The following SDK1 variants were observed in gnomAD, a reference collection of about 807,000 sequenced individuals.
The protein encoded by SDK1 is sidekick cell adhesion molecule 1.
A neutral mutation model predicts 245.5 loss-of-function variants in SDK1; 157 were observed. The ratio of observed to expected loss-of-function variants is 0.64; its 90% CI spans 0.56 to 0.73. SDK1 has a LOEUF of 0.73. Among genes scored for constraint, SDK1 ranks in the 30% least tolerant of loss-of-function variants. The pLI is 0.00. For missense variants in SDK1, 3,583 were observed against 3,002.3 expected (o/e 1.19, Z -4.52); for synonymous variants, 1,647 against 1,278.5 (o/e 1.29, Z -6.15).
intron 1 of SDK1, among the ~76,000 whole-genome samples, chr7:3,465,707 GGC>G (rs1424480410): frequency 1.3e-5 from 2 of 152,162 alleles, no homozygotes; most frequent in Non-Finnish European, 2.9e-5. Context: ...TGATCATTCA[GGC>G]GCGTGTCTGG....
In SDK1 at chr7:4,245,735, A is replaced by C. The variant is rs1247795647; in HGVS notation, c.6311A>C (p.Lys2104Thr). The C allele has an allele frequency of 6.2e-7, 1 of 1,613,930 alleles. No individual in the cohort carries two copies. The highest frequency in any genetic ancestry group is 1.3e-5 in the African/African-American group (1 of 74,900). Reference protein sequence around the residue: ...LHYSDEDICNKYNGAVLTESV... With the variant: ...LHYSDEDICNTYNGAVLTESV... ...TACTCAGACGAGGACATCTGCAACA[A>C]GTACAACGGCGCCGTGCTGACCGAG... The change falls in exon 44 of 45, where the codon AAG (lysine) becomes ACG (threonine). Residue 2104 changes from lysine (K) to threonine (T), a missense_variant. Transcript: ENST00000404826.
At chr7:4,171,010 C>G (rs1299221206) in intron 32 of SDK1, among the ~76,000 whole-genome samples, 28 of 152,358 alleles carry the variant, frequency 1.8e-4, no homozygotes, top group Non-Finnish European at 1.5e-5. Flanking sequence ...GCCTGTAATT[C>G]TCACTCCTTC....
chr7:4,198,182 G>A (rs1205938454), intron 35 of SDK1, among the ~76,000 whole-genome samples: 1 of 152,198 alleles, frequency 6.6e-6, no homozygotes, highest in Non-Finnish European at 1.5e-5. Context: ...ATGTCCTGTA[G>A]CTCCTGTTTC....
In SDK1 at chr7:3,457,400, T is replaced by A. The variant is rs1372848583; in HGVS notation, c.298+155516T>A. On this transcript the variant is annotated intron_variant, in intron 1 of 44. Transcript: ENST00000404826. ...GATTCTTGTGCCTTTCCCGAGCCAATCCCCACAGACACTATACACAATGTC... is the reference window on the plus strand; with the variant it reads ...GATTCTTGTGCCTTTCCCGAGCCAAACCCCACAGACACTATACACAATGTC... Among the ~76,000 whole-genome samples the A allele has an allele frequency of 3.9e-5, 6 of 152,086 alleles. No individual in the cohort carries two copies. The South Asian group carries it at 1.0e-3, about 26-fold the overall frequency.
chr7:4,114,263 C>T lies in SDK1; in HGVS notation c.3812C>T (p.Thr1271Met), dbSNP rs1286533820. The T allele has an allele frequency of 3.1e-6, 5 of 1,603,780 alleles. No homozygotes were observed. Among genetic ancestry groups the T allele is most frequent in the Admixed American group, 1.7e-5 (1 of 58,298 alleles). ...GPWSEVVRGR[T>M]RESVPSAAPE... ...TGGAGCGAGGTGGTGCGGGGCCGGACGCGGGAGTCAGGTGAGGGGAAGGCG... is the reference window on the plus strand; with the variant it reads ...TGGAGCGAGGTGGTGCGGGGCCGGATGCGGGAGTCAGGTGAGGGGAAGGCG... Residue 1271 changes from threonine to methionine, a missense_variant, in exon 25 of 45, where the codon ACG becomes ATG. Transcript: ENST00000404826.
intron 4 of SDK1, among the ~76,000 whole-genome samples, chr7:3,667,431 G>T (rs761110255): frequency 6.6e-6 from 1 of 152,144 alleles, no homozygotes; most frequent in Non-Finnish European, 1.5e-5. Flanking sequence ...TTTCTATTCA[G>T]AGGGAATATC....
chr7:3,928,973 T>G (rs1779876432), intron 5 of SDK1, among the ~76,000 whole-genome samples: 1 of 152,226 alleles, frequency 6.6e-6, no homozygotes, highest in Non-Finnish European at 1.5e-5. Flanking sequence ...ACATAAAACC[T>G]GTCTCACTAG....
At chr7:3,324,567 C>A (rs1371738180) in intron 1 of SDK1, among the ~76,000 whole-genome samples, 1 of 152,138 alleles carries the variant, frequency 6.6e-6, no homozygotes, top group Non-Finnish European at 1.5e-5. Flanking sequence ...TGAAGTGGAA[C>A]TAGATACTTT....
At chr7:3,865,295 G>C (rs566893003) in intron 5 of SDK1, among the ~76,000 whole-genome samples, 4 of 152,166 alleles carry the variant, frequency 2.6e-5, no homozygotes, top group Admixed American at 2.0e-4. Context: ...TGGCCTAAAG[G>C]GTGAGTTGGT....
rs201150651 is a variant in SDK1 at position 4,245,828 on chromosome 7, G to A, written c.6381+23G>A. 263 of 1,612,962 alleles carry A rather than the reference G, an allele frequency of 1.6e-4. 1 individual carries two copies. In the East Asian group the frequency reaches 4.3e-3, roughly 26 times the overall value. Reference sequence around the variant, plus strand: ...GAGGTCAGTGTCGGTGCCTACTTCCGGGCAGTGACCATCAGCCCCTACTTC... The same window carrying A: ...GAGGTCAGTGTCGGTGCCTACTTCCAGGCAGTGACCATCAGCCCCTACTTC... On this transcript the variant is annotated intron_variant, in intron 44 of 44. Transcript: ENST00000404826.
At chr7:4,210,929 A>T (rs1237569220) in intron 38 of SDK1, among the ~76,000 whole-genome samples, 1 of 152,330 alleles carries the variant, frequency 6.6e-6, no homozygotes, top group Admixed American at 6.5e-5. Context: ...GGGCCCGGAC[A>T]CACAAGAATC....
intron 4 of SDK1, among the ~76,000 whole-genome samples, chr7:3,655,464 T>A (rs1388586210): frequency 1.2e-4 from 2 of 17,230 alleles, no homozygotes; most frequent in Non-Finnish European, 2.1e-4. Flanking sequence ...TATATATATA[T>A]ATATATATAT....
At chr7:3,448,365 C>G (rs946940678) in intron 1 of SDK1, among the ~76,000 whole-genome samples, 1 of 151,988 alleles carries the variant, frequency 6.6e-6, no homozygotes, top group African/African-American at 2.4e-5. Flanking sequence ...CTTTTACTTA[C>G]CAGTTTCTGG....
In SDK1 at chr7:3,601,696, C is replaced by G. The variant is rs184662232; in HGVS notation, c.299-17384C>G. On this transcript the variant is annotated intron_variant, in intron 1 of 44. Transcript: ENST00000404826. The stretch of plus-strand genomic sequence containing the variant: ...ATTTAAATTTTATTTTATTATTATA[C>G]TTTAAGTTTTAGGGTACATGTGCAC... Among the ~76,000 whole-genome samples the G allele has an allele frequency of 2.6e-3, 394 of 151,468 alleles. 2 individuals carry two copies. Among genetic ancestry groups the G allele is most frequent in the African/African-American group, 9.1e-3 (375 of 41,324 alleles).
intron 20 of SDK1, among the ~76,000 whole-genome samples, chr7:4,069,789 C>T (rs1780130084): frequency 1.3e-5 from 2 of 152,348 alleles, no homozygotes; most frequent in South Asian, 4.1e-4. Context: ...GTCACCCTAG[C>T]CTTGTGGGAT....
chr7:4,227,564 A>G, intron 40 of SDK1: 1 of 420,230 alleles, frequency 2.4e-6, no homozygotes, highest in Middle Eastern at 5.2e-4. Flanking sequence ...ACAGGCTTGC[A>G]TTTGCTCTGA....
At chr7:3,831,902 C>T (rs1042423344) in intron 5 of SDK1, among the ~76,000 whole-genome samples, 128 of 151,318 alleles carry the variant, frequency 8.5e-4, no homozygotes, top group African/African-American at 2.9e-3. Context: ...ACAAAAAAAA[C>T]GTGCCAGGTG....
chr7:3,983,628 A>G (rs1158378753), intron 13 of SDK1, among the ~76,000 whole-genome samples: 1 of 152,246 alleles, frequency 6.6e-6, no homozygotes, highest in Non-Finnish European at 1.5e-5. Flanking sequence ...TATTCACTTC[A>G]TTGTGGTGGT....
At chr7:4,090,353 A>C (rs1292412579) in intron 22 of SDK1, among the ~76,000 whole-genome samples, 1 of 152,204 alleles carries the variant, frequency 6.6e-6, no homozygotes, top group Non-Finnish European at 1.5e-5. Context: ...GATTTTTTAA[A>C]AATTCAATCA....
Sources: gnomAD v4.1 joint callset for allele counts (sites outside exome capture counted in the v4.1 genomes callset) on GRCh38, gnomAD v4.1.1 for gene constraint, MANE v1.5 for transcripts, NCBI Gene and HGNC (gene_info 2026-07-23, HGNC 2026-07-21) for gene names.